The following DOCK1 variants were observed in gnomAD, a reference collection of about 807,000 sequenced individuals.
DOCK1 encodes dedicator of cytokinesis 1, also known as dedicator of cytokinesis protein 1.
In DOCK1, 138 loss-of-function variants were observed where a neutral mutation model predicts 262.7. The ratio of observed to expected loss-of-function variants is 0.53; its 90% CI spans 0.46 to 0.61. DOCK1 has a LOEUF of 0.61. DOCK1 is among the 20% of genes least tolerant of loss of function. DOCK1 has a pLI of 0.00. For missense variants in DOCK1, 1,908 were observed against 2,370.7 expected, an observed-to-expected ratio of 0.80 and a Z score of 4.05; for synonymous variants, 866 against 867.4, an observed-to-expected ratio of 1.00 and a Z score of 0.03.
chr10:127,101,731 G>A (rs934557531), intron 23 of DOCK1, among the ~76,000 whole-genome samples: 6 of 152,180 alleles, frequency 3.9e-5, no homozygotes, highest in African/African-American at 1.2e-4. Flanking sequence ...ATAAAGGCCT[G>A]TCTTGTTTGT....
chr10:127,439,542 G>T (rs76588150), intron 49 of DOCK1, among the ~76,000 whole-genome samples: 1 of 152,340 alleles, frequency 6.6e-6, no homozygotes, highest in Non-Finnish European at 1.5e-5. Context: ...CCCAGAAGAT[G>T]AGCAGGAGTC....
chr10:127,353,970 A>G (rs2064013525), intron 31 of DOCK1, among the ~76,000 whole-genome samples: 1 of 144,368 alleles, frequency 6.9e-6, no homozygotes, highest in Non-Finnish European at 1.5e-5. Flanking sequence ...GTAATCCTGT[A>G]TGATAATTTT....
chr10:127,093,089 A>AGGGCTGCT lies in DOCK1; in HGVS notation c.2446-13139_2446-13132dup, dbSNP rs1444856676. 7.2e-5 allele frequency among the ~76,000 whole-genome samples: 11 copies of AGGGCTGCT among 152,182 alleles called. No homozygotes were observed. The East Asian group carries it at 1.6e-3, about 21-fold the overall frequency. ...TCCTTCCTGGTCTCTTCCAGCGTCCAGGGCTGCTGGCAGTCCTCGATGTGC... is the reference window on the plus strand; with the variant it reads ...TCCTTCCTGGTCTCTTCCAGCGTCCAGGGCTGCTGGGCTGCTGGCAGTCCTCGATGTGC... On this transcript the variant is annotated intron_variant, in intron 23 of 51. Transcript: ENST00000623213.
chr10:127,210,402 TTTC>T (rs1332729520), intron 27 of DOCK1, among the ~76,000 whole-genome samples: 16 of 152,282 alleles, frequency 1.1e-4, no homozygotes, highest in Admixed American at 3.3e-4. Flanking sequence ...TGCCTGAGAA[TTTC>T]TTCTGCAGGA....
chr10:127,107,289 G>T (rs959180613), intron 24 of DOCK1, among the ~76,000 whole-genome samples: 1 of 152,166 alleles, frequency 6.6e-6, no homozygotes, highest in Non-Finnish European at 1.5e-5. Context: ...TGTCCACTGA[G>T]CGGTGAAACG....
intron 20 of DOCK1, 53 bp downstream of exon 20, chr10:127,042,767 T>TGCA (rs1361094774): frequency 1.3e-6 from 2 of 1,574,134 alleles, no homozygotes; most frequent in African/African-American, 2.7e-5. Context: ...TCTTCCATGC[T>TGCA]GCAGCGTCTG....
chr10:127,102,587 T>G (rs531330672), intron 23 of DOCK1, among the ~76,000 whole-genome samples: 2 of 152,224 alleles, frequency 1.3e-5, no homozygotes, highest in Non-Finnish European at 2.9e-5. Flanking sequence ...CCCAGCACTT[T>G]GGGAGGCCGA....
At chr10:127,223,180 G>T (rs1197569401) in intron 27 of DOCK1, among the ~76,000 whole-genome samples, 1 of 152,002 alleles carries the variant, frequency 6.6e-6, no homozygotes, top group Non-Finnish European at 1.5e-5. Flanking sequence ...TGATTATTTA[G>T]TTTTACTAAT....
chr10:127,282,585 A>G (rs1468740786), intron 29 of DOCK1, among the ~76,000 whole-genome samples: 1 of 152,200 alleles, frequency 6.6e-6, no homozygotes, highest in East Asian at 1.9e-4. Context: ...GTTAATTTTA[A>G]AAGGCCAGTG....
rs529086847 is a variant in DOCK1 at position 127,327,340 on chromosome 10, G to A, written c.3045-11666G>A. On this transcript the variant is annotated intron_variant, in intron 29 of 51. Transcript: ENST00000623213. Reference sequence around the variant, plus strand: ...AATGGTCTATCCTAGGTCTTCTGGAGAACTTGCTGCAGCTTCTCCATCAGC... The same window carrying A: ...AATGGTCTATCCTAGGTCTTCTGGAAAACTTGCTGCAGCTTCTCCATCAGC... 1.7e-4 allele frequency among the ~76,000 whole-genome samples: 26 copies of A among 152,308 alleles called. No individual in the cohort carries two copies. The East Asian group carries it at 3.3e-3, about 19-fold the overall frequency.
intron 27 of DOCK1, among the ~76,000 whole-genome samples, chr10:127,220,931 A>G (rs999892872): frequency 3.3e-5 from 5 of 152,212 alleles, no homozygotes; most frequent in Non-Finnish European, 7.3e-5. Flanking sequence ...CGATGCTTTC[A>G]GCATCCTCAG....
chr10:126,912,595 G>A (rs1386796319), intron 1 of DOCK1, among the ~76,000 whole-genome samples: 1 of 151,514 alleles, frequency 6.6e-6, no homozygotes, highest in African/African-American at 2.4e-5. Flanking sequence ...GCGTGGTGGC[G>A]GGCGCCTGTG....
chr10:126,952,747 T>C (rs2036386352), intron 1 of DOCK1, among the ~76,000 whole-genome samples: 1 of 96 alleles, frequency 0.01, no homozygotes, highest in Non-Finnish European at 0.071. Context: ...ATTGGTAGTA[T>C]TGGTGGTAGT....
intron 28 of DOCK1, 34 bp from the exon 29 acceptor site, chr10:127,257,301 T>TGGG (rs1438213570): frequency 6.6e-7 from 1 of 1,518,830 alleles, no homozygotes; most frequent in Non-Finnish European, 9.0e-7. Flanking sequence ...TTTTTCTTTG[T>TGGG]GGGCCATTTC....
chr10:127,333,237 T>G (rs543186859), intron 29 of DOCK1, among the ~76,000 whole-genome samples: 1 of 152,196 alleles, frequency 6.6e-6, no homozygotes, highest in African/African-American at 2.4e-5. Context: ...AAAGTAAGTT[T>G]AGGGAAGGAA....
intron 29 of DOCK1, among the ~76,000 whole-genome samples, chr10:127,301,067 T>C (rs1590341813): frequency 6.6e-6 from 1 of 152,174 alleles, no homozygotes; most frequent in Non-Finnish European, 1.5e-5. Context: ...AGTGTTTCTG[T>C]CCTAGCAGCA....
intron 27 of DOCK1, among the ~76,000 whole-genome samples, chr10:127,210,038 T>C (rs1001452132): frequency 5.3e-5 from 8 of 152,166 alleles, no homozygotes; most frequent in African/African-American, 1.9e-4. Flanking sequence ...ATCATCTTTC[T>C]CTCTTTCTAG....
intron 51 of DOCK1, among the ~76,000 whole-genome samples, chr10:127,450,278 C>T (rs60040554): frequency 0.066 from 10,079 of 152,238 alleles, 473 homozygotes; most frequent in Non-Finnish European, 0.098. Context: ...GAGACTACTG[C>T]GTCACTGTCT....
At position 127,347,860 on chromosome 10, in the gene DOCK1, T is replaced by C. The variant is rs1208124269; in HGVS notation, c.3224+4114T>C. On this transcript the variant is annotated intron_variant, in intron 31 of 51. Transcript: ENST00000623213. ...TTCCCTTCCCTTCCCTTCCCTTCCCTTCCCTTCCCTTCCCTTCCCTTCCCA... is the reference window on the plus strand; with the variant it reads ...TTCCCTTCCCTTCCCTTCCCTTCCCCTCCCTTCCCTTCCCTTCCCTTCCCA... Among the ~76,000 whole-genome samples the C allele has an allele frequency of 6.1e-3, 225 of 37,142 alleles. 26 individuals carry two copies. The highest frequency in any genetic ancestry group is 0.019 in the South Asian group (16 of 828). The allele number at this position is 37,142 out of a possible 152,430, so 24.4% of individuals were successfully genotyped here.
Sources: gnomAD v4.1 joint callset for allele counts (sites outside exome capture counted in the v4.1 genomes callset) on GRCh38, gnomAD v4.1.1 for gene constraint, MANE v1.5 for transcripts, NCBI Gene and HGNC (gene_info 2026-07-23, HGNC 2026-07-21) for gene names.